The following CD163L1 variants were observed in gnomAD, a reference collection of about 807,000 sequenced individuals.
The protein encoded by CD163L1 is CD163 molecule like 1.
In CD163L1, 124 loss-of-function variants were observed where a neutral mutation model predicts 165.4. That is an observed-to-expected ratio of 0.75 (90% CI 0.65 to 0.87). The LOEUF (loss-of-function observed/expected upper bound fraction) is 0.87, where lower values mean the gene tolerates loss of function less well. Ranked by LOEUF, CD163L1 falls within the 40% of genes least tolerant of loss-of-function variation. The pLI is 0.00. For synonymous variants in CD163L1, 585 were observed against 662.2 expected (o/e 0.88, Z 1.79); for missense variants, 1,525 against 1,799.9 (o/e 0.85, Z 2.76).
At chr12:7,390,133 GCTAAAAAAGTCAT>G (rs1415899936) in intron 8 of CD163L1, among the ~76,000 whole-genome samples, 1 of 151,540 alleles carries the variant, frequency 6.6e-6, no homozygotes, top group Non-Finnish European at 1.5e-5. Context: ...ATATACGGGA[GCTAAAAAAGTCAT>G]CTCATGGAGA....
intron 8 of CD163L1, among the ~76,000 whole-genome samples, chr12:7,381,387 G>A (rs1328394975): frequency 6.6e-6 from 1 of 152,058 alleles, no homozygotes; most frequent in Non-Finnish European, 1.5e-5. Flanking sequence ...TTACTACATT[G>A]GTTATTTTGA....
intron 4 of CD163L1, among the ~76,000 whole-genome samples, chr12:7,414,835 G>A (rs1200793509): frequency 6.6e-6 from 1 of 152,050 alleles, no homozygotes; most frequent in Non-Finnish European, 1.5e-5. Flanking sequence ...AAAGAACCCT[G>A]CCAATCAAGA....
chr12:7,410,544 C>T (rs1313924431), intron 4 of CD163L1, among the ~76,000 whole-genome samples: 1 of 150,818 alleles, frequency 6.6e-6, no homozygotes, highest in African/African-American at 2.4e-5. Context: ...GCAGAGGTTG[C>T]AGTGAGCTGA....
chr12:7,369,599 G>A lies in CD163L1; in HGVS notation c.3797C>T (p.Ser1266Phe), dbSNP rs1947104129. 9.3e-6 allele frequency: 15 copies of A among 1,613,878 alleles called. No homozygotes were observed. Among genetic ancestry groups the A allele is most frequent in the Non-Finnish European group, 1.2e-5 (14 of 1,179,940 alleles). Residue 1266 changes from serine (S) to phenylalanine (F), a missense_variant, in exon 15 of 20, where the codon TCC becomes TTC. By Grantham distance (155) the Ser-to-Phe change is radical. Transcript: ENST00000313599. The surrounding 1 kb of genome is among the most constrained non-coding windows in gnomAD (Gnocchi z 4.9). ...GGAGTCATCACACACTGTGCCCCAG[G>A]AGCCTGCGTGCCAGATCTCCACTCT... ...SGRVEIWHAGSWGTVCDDSWD... is the reference protein window; with the variant it reads ...SGRVEIWHAGFWGTVCDDSWD...
chr12:7,374,802 C>G lies in CD163L1; in HGVS notation c.3094+29G>C, dbSNP rs760938207. 1.2e-6 allele frequency: 2 copies of G among 1,613,960 alleles called. No homozygotes were observed. The highest frequency in any genetic ancestry group is 1.7e-6 in the Non-Finnish European group (2 of 1,179,952). On this transcript the variant is annotated intron_variant, in intron 12 of 19. Transcript: ENST00000313599. The surrounding 1 kb of genome is among the most constrained non-coding windows in gnomAD (Gnocchi z 5.4). ...TAATAGGTCACATTCTTTAGAGTTG[C>G]AGTGTTTCCTAAAACTGATTCTGCT...
downstream of CD163L1, among the ~76,000 whole-genome samples, chr12:7,354,780 T>G (rs911547131): frequency 6.6e-6 from 1 of 152,114 alleles, no homozygotes; most frequent in African/African-American, 2.4e-5. Flanking sequence ...GGAAGGACAG[T>G]GACAGAGCCT....
Position 7,368,165 on chromosome 12 carries a change from CA to C in CD163L1, c.4104del (p.Phe1368LeufsTer102). On this transcript the variant is annotated frameshift_variant, in exon 17 of 20. Transcript: ENST00000313599. LOFTEE classifies it high-confidence loss of function. This position sits in a 1 kb window ranked among gnomAD's most constrained non-coding sequence, Gnocchi z 4.3. ...ATAAACAGAACCAGGAGAAGGAGCC[CA>C]AAGATACTGGATAAAATAAGTGCTA... ...GHLALILSSI[F>X]GLLLLVLFIL... The C allele has an allele frequency of 6.2e-7, 1 of 1,609,586 alleles. No homozygotes were observed. The highest frequency in any genetic ancestry group is 1.3e-5 in the African/African-American group (1 of 74,674).
chr12:7,388,604 T>C lies in CD163L1; in HGVS notation c.2050+7491A>G, dbSNP rs113175398. On this transcript the variant is annotated intron_variant, in intron 8 of 19. Coordinates refer to ENST00000313599, the MANE Select transcript of CD163L1 (RefSeq NM_174941.6). ...CAAAAAACTACAAAAATTGGCAGGG[T>C]GTGATGGCGCATGCCAGTGGTCCTA... 1.1e-3 allele frequency among the ~76,000 whole-genome samples: 159 copies of C among 151,216 alleles called. 2 individuals carry two copies. In the Middle Eastern group the frequency reaches 0.014, roughly 13 times the overall value.
chr12:7,357,214 C>T (rs770490646), intron 19 of CD163L1, among the ~76,000 whole-genome samples, 166 bp downstream of exon 19: 1 of 152,180 alleles, frequency 6.6e-6, no homozygotes, highest in Non-Finnish European at 1.5e-5. Context: ...ACTTTCTCAT[C>T]AACCTCTCTC....
At chr12:7,332,384 C>T in the CD163L1 span, among the ~76,000 whole-genome samples, 4 of 152,020 alleles carry the variant, frequency 2.6e-5, no homozygotes, top group Admixed American at 2.6e-4. Flanking sequence ...GGAGAACTTC[C>T]CCAATCTAGC....
intron 8 of CD163L1, among the ~76,000 whole-genome samples, chr12:7,380,448 A>G (rs1258922744): frequency 6.7e-6 from 1 of 148,440 alleles, no homozygotes; most frequent in East Asian, 2.0e-4. Flanking sequence ...CTACTCAGCC[A>G]TAAAGAGGAA....
the CD163L1 span, among the ~76,000 whole-genome samples, chr12:7,337,871 T>C: frequency 6.6e-6 from 1 of 152,224 alleles, no homozygotes; most frequent in Non-Finnish European, 1.5e-5. Flanking sequence ...TACACACGTA[T>C]GTTTATTGCA....
the CD163L1 span, among the ~76,000 whole-genome samples, chr12:7,336,304 T>C: frequency 6.7e-6 from 1 of 150,068 alleles, no homozygotes; most frequent in African/African-American, 2.5e-5. Context: ...GTGGCACATA[T>C]ACACCATGGA....
At chr12:7,341,140 G>A in the CD163L1 span, among the ~76,000 whole-genome samples, 2 of 152,070 alleles carry the variant, frequency 1.3e-5, no homozygotes, top group Admixed American at 6.6e-5. Flanking sequence ...TTCTTGGGTT[G>A]GATGAGAAGA....
At chr12:7,405,362 A>T (rs937395592) in intron 5 of CD163L1, among the ~76,000 whole-genome samples, 2 of 151,490 alleles carry the variant, frequency 1.3e-5, no homozygotes, top group African/African-American at 4.9e-5. Flanking sequence ...CTTTTCTGTT[A>T]TGTGGAGAAA....
intron 2 of CD163L1, among the ~76,000 whole-genome samples, chr12:7,438,050 A>T (rs1350134616): frequency 6.6e-6 from 1 of 152,036 alleles, no homozygotes; most frequent in Non-Finnish European, 1.5e-5. Context: ...TTACACACAT[A>T]TTTTTACATG....
At chr12:7,335,895 A>G in the CD163L1 span, among the ~76,000 whole-genome samples, 3 of 151,246 alleles carry the variant, frequency 2.0e-5, no homozygotes, top group South Asian at 6.3e-4. Flanking sequence ...CAGCCAAAAA[A>G]CACATGAAAA....
At chr12:7,417,481 T>A (rs1444921924) in intron 4 of CD163L1, among the ~76,000 whole-genome samples, 3 of 152,186 alleles carry the variant, frequency 2.0e-5, no homozygotes, top group Non-Finnish European at 2.9e-5. Flanking sequence ...GGCATCCTTG[T>A]CTTGTGCTGG....
chr12:7,405,129 C>G (rs1465343810), intron 5 of CD163L1, among the ~76,000 whole-genome samples: 1 of 152,156 alleles, frequency 6.6e-6, no homozygotes, highest in Non-Finnish European at 1.5e-5. Flanking sequence ...CCCTTCCTTA[C>G]TCTTCCAGAG....
Sources: allele counts gnomAD v4.1 joint callset (sites outside exome capture counted in the v4.1 genomes callset), GRCh38; gene constraint gnomAD v4.1.1; non-coding constraint Gnocchi (gnomAD v3.1); transcripts MANE v1.5; gene names NCBI Gene and HGNC (gene_info 2026-07-23, HGNC 2026-07-21).